Variants in KLHL29 observed in about 807,000 individuals in gnomAD.
KLHL29 encodes the protein kelch like family member 29.
In KLHL29, 21 loss-of-function variants were observed where a neutral mutation model predicts 80.4. The observed-to-expected ratio is 0.26, with a 90% CI of 0.19 to 0.38. The LOEUF (loss-of-function observed/expected upper bound fraction) is 0.38, where lower values mean the gene tolerates loss of function less well. KLHL29 is among the 10% of genes least tolerant of loss of function. The probability of loss-of-function intolerance (pLI) is 1.00; values close to 1 mark genes in which losing one functional copy is unlikely to be tolerated. For missense variants in KLHL29, 867 were observed against 1,223.9 expected, an observed-to-expected ratio of 0.71 and a Z score of 4.35; for synonymous variants, 511 against 526.8, an observed-to-expected ratio of 0.97 and a Z score of 0.41.
rs1201163103 is a variant in KLHL29, at chr2:23,457,187, G to A, written c.-153-18373G>A. On this transcript the variant is annotated intron_variant, in intron 1 of 13. Coordinates refer to ENST00000486442, the MANE Select transcript of KLHL29 (RefSeq NM_052920.2). The surrounding 1 kb of genome is among the most constrained non-coding windows in gnomAD (Gnocchi z 4.3). The stretch of plus-strand genomic sequence containing the variant: ...TTAAAGCAATCCGTGCCCTGAGTGA[G>A]CGCAGGGTGCAGAGTAACCCTCACA... Among the ~76,000 whole-genome samples, 2 of 152,224 alleles carry A rather than the reference G, an allele frequency of 1.3e-5. No individual in the cohort carries two copies. Among genetic ancestry groups the A allele is most frequent in the Non-Finnish European group, 2.9e-5 (2 of 68,044 alleles).
intron 1 of KLHL29, among the ~76,000 whole-genome samples, chr2:23,428,898 G>A (rs947871754): frequency 2.0e-5 from 3 of 151,984 alleles, no homozygotes; most frequent in Admixed American, 6.6e-5. Flanking sequence ...TCTCCTTTTC[G>A]GACAATATAT....
chr2:23,391,173 G>T (rs1666314254), intron 1 of KLHL29, among the ~76,000 whole-genome samples: 1 of 152,200 alleles, frequency 6.6e-6, no homozygotes, highest in South Asian at 2.1e-4. Context: ...TGATGGGCTT[G>T]TTAAACTTAG....
At chr2:23,405,123 GA>G (rs1346321200) in intron 1 of KLHL29, among the ~76,000 whole-genome samples, 2 of 152,190 alleles carry the variant, frequency 1.3e-5, no homozygotes, top group African/African-American at 4.8e-5. Flanking sequence ...CTGGGATAAG[GA>G]AAGGTAGCTA....
chr2:23,518,929 G>A (rs574082353), intron 2 of KLHL29, among the ~76,000 whole-genome samples: 9 of 152,304 alleles, frequency 5.9e-5, no homozygotes, highest in East Asian at 3.9e-4. Context: ...CTGCTTTCTC[G>A]GAAAAATGTT....
At chr2:23,531,823 G>A (rs1188505062) in intron 2 of KLHL29, among the ~76,000 whole-genome samples, 1 of 152,154 alleles carries the variant, frequency 6.6e-6, no homozygotes, top group Non-Finnish European at 1.5e-5. Flanking sequence ...TAGCAGAAAT[G>A]TGCTCCCATC....
At chr2:23,497,778 G>A (rs148370335) in intron 2 of KLHL29, among the ~76,000 whole-genome samples, 190 of 152,310 alleles carry the variant, frequency 1.2e-3, no homozygotes, top group African/African-American at 4.3e-3. Context: ...GACCTGAGGG[G>A]CACTGAGCTG....
At chr2:23,508,121 A>G (rs1665658268) in intron 2 of KLHL29, among the ~76,000 whole-genome samples, 1 of 152,214 alleles carries the variant, frequency 6.6e-6, no homozygotes, top group South Asian at 2.1e-4. Flanking sequence ...ACAGGAAGGA[A>G]GTGGCCAGTG....
At chr2:23,393,103 A>G (rs1279903039) in intron 1 of KLHL29, among the ~76,000 whole-genome samples, 1 of 152,250 alleles carries the variant, frequency 6.6e-6, no homozygotes, top group Non-Finnish European at 1.5e-5. Flanking sequence ...TAGAACCACT[A>G]ATCGCTGACC....
intron 1 of KLHL29, among the ~76,000 whole-genome samples, chr2:23,422,127 TTTGTGTG>T (rs1417915932): frequency 3.3e-5 from 5 of 151,750 alleles, no homozygotes; most frequent in Non-Finnish European, 7.4e-5. Context: ...TGGGTGGGTC[TTTGTGTG>T]TTGTGTGTGT....
chr2:23,538,482 G>C (rs1368334639), intron 2 of KLHL29, among the ~76,000 whole-genome samples: 1 of 152,194 alleles, frequency 6.6e-6, no homozygotes, highest in Non-Finnish European at 1.5e-5. Context: ...GTCATCCTTT[G>C]TCAGCTCCTT....
At chr2:23,569,629 G>T (rs776804488) in intron 3 of KLHL29, among the ~76,000 whole-genome samples, 2 of 152,124 alleles carry the variant, frequency 1.3e-5, no homozygotes, top group African/African-American at 2.4e-5. Context: ...TTTTTATAGG[G>T]AAAGTATGTT....
In KLHL29 at chr2:23,680,039, C is replaced by G. The variant is rs566853282; in HGVS notation, c.941-4360C>G. 6.6e-6 allele frequency among the ~76,000 whole-genome samples: 1 copy of G among 152,208 alleles called. No individual in the cohort carries two copies. The highest frequency in any genetic ancestry group is 6.5e-5 in the Admixed American group (1 of 15,292). ...CAGAGGGCTGTGCTGCCCCTTCAGC[C>G]CCGAAGGATTTGTGTGGCCAGTGGC... On this transcript the variant is annotated intron_variant, in intron 5 of 13. Transcript: ENST00000486442. The surrounding 1 kb of genome is among the most constrained non-coding windows in gnomAD (Gnocchi z 4.1).
At chr2:23,391,124 C>A (rs1666313306) in intron 1 of KLHL29, among the ~76,000 whole-genome samples, 2 of 152,200 alleles carry the variant, frequency 1.3e-5, no homozygotes, top group African/African-American at 2.4e-5. Context: ...TACCTTAGAT[C>A]CCTCAGGTGA....
At chr2:23,579,886 G>C (rs942713557) in intron 3 of KLHL29, among the ~76,000 whole-genome samples, 4 of 152,190 alleles carry the variant, frequency 2.6e-5, no homozygotes, top group South Asian at 2.1e-4. Context: ...GGTGAGTTCA[G>C]CTGGAGCATG....
At chr2:23,603,029 C>T (rs368735147) in intron 3 of KLHL29, among the ~76,000 whole-genome samples, 1 of 152,192 alleles carries the variant, frequency 6.6e-6, no homozygotes, top group Non-Finnish European at 1.5e-5. Flanking sequence ...CGTGAGCCAC[C>T]CTCTGTGCCC....
chr2:23,521,734 A>G (rs1294295449), intron 2 of KLHL29, among the ~76,000 whole-genome samples: 3 of 152,176 alleles, frequency 2.0e-5, no homozygotes, highest in African/African-American at 4.8e-5. Flanking sequence ...ACGTTGTTCA[A>G]TAGACTGCAG....
In KLHL29 at chr2:23,696,672, G is replaced by A. The variant is rs1671977724; in HGVS notation, c.2105+159G>A. On this transcript the variant is annotated intron_variant, in intron 11 of 13. Coordinates refer to ENST00000486442, the MANE Select transcript of KLHL29 (RefSeq NM_052920.2). This position sits in a 1 kb window ranked among gnomAD's most constrained non-coding sequence, Gnocchi z 5.5. ...CCCAGGCTCTTCAGTCACAGCACCG[G>A]GGGCAGCAGGGTGTGGGATACAAGC... The A allele has an allele frequency of 1.2e-5, 7 of 592,962 alleles. No individual in the cohort carries two copies. In the East Asian group the frequency reaches 2.1e-4, roughly 18 times the overall value. 36.7% of individuals were successfully genotyped at this position (592,962 alleles called of 1,614,324 possible).
intron 1 of KLHL29, among the ~76,000 whole-genome samples, chr2:23,466,097 C>T (rs973176301): frequency 1.3e-5 from 2 of 152,052 alleles, no homozygotes; most frequent in Non-Finnish European, 2.9e-5. Flanking sequence ...AAAAAAAAAT[C>T]ACAGAGAAAC....
chr2:23,611,627 A>G (rs1258073689), intron 3 of KLHL29, among the ~76,000 whole-genome samples: 1 of 152,222 alleles, frequency 6.6e-6, no homozygotes, highest in Non-Finnish European at 1.5e-5. Context: ...AAAAATAATC[A>G]GATACAAGGA....
Sources: gnomAD v4.1 joint callset for allele counts (sites outside exome capture counted in the v4.1 genomes callset) on GRCh38, gnomAD v4.1.1 for gene constraint, Gnocchi (gnomAD v3.1) non-coding constraint, MANE v1.5 for transcripts, NCBI Gene and HGNC (gene_info 2026-07-23, HGNC 2026-07-21) for gene names.